Variants in MAGED1 observed in about 807,000 individuals in gnomAD.
The protein encoded by MAGED1 is melanoma-associated antigen D1.
In MAGED1, 3 loss-of-function variants were observed where a neutral mutation model predicts 54.1. That is an observed-to-expected ratio of 0.06 (90% CI 0.03 to 0.14). The LOEUF (loss-of-function observed/expected upper bound fraction) is 0.14. MAGED1 is among the 10% of genes least tolerant of loss of function. MAGED1 has a pLI of 1.00. For missense variants in MAGED1, 485 were observed against 623.4 expected (o/e 0.78, Z 2.36); for synonymous variants, 217 against 227.3 (o/e 0.95, Z 0.41).
At chrX:51,889,596 C>A (rs902358746), upstream of MAGED1, among the ~76,000 whole-genome samples, 1 of 96,767 alleles carries the variant, frequency 1.0e-5, no homozygotes, top group East Asian at 3.2e-4. Flanking sequence ...CCACTGCACT[C>A]CAGCCTGAGT....
chrX:51,885,675 C>T (rs782505523), intron 1 of MAGED1, among the ~76,000 whole-genome samples: 28 of 110,886 alleles, frequency 2.5e-4, no homozygotes, highest in Non-Finnish European at 4.3e-4. Flanking sequence ...AAACCAATCC[C>T]GGGGCACTTC....
At chrX:51,890,508 G>A (rs188088938), upstream of MAGED1, among the ~76,000 whole-genome samples, 885 of 111,723 alleles carry the variant, frequency 7.9e-3, 7 homozygotes, top group Non-Finnish European at 0.013. Context: ...GCTGCCAAGG[G>A]CATGTGAAGA....
chrX:51,838,565 A>G (rs1289663384), intron 1 of MAGED1, among the ~76,000 whole-genome samples: 14 of 112,604 alleles, frequency 1.2e-4, no homozygotes, highest in African/African-American at 4.5e-4. Flanking sequence ...AAATTTTTTC[A>G]TAAAATCCAG....
intron 1 of MAGED1, among the ~76,000 whole-genome samples, chrX:51,882,927 G>A (rs1163306511): frequency 1.8e-5 from 2 of 111,818 alleles, no homozygotes; most frequent in African/African-American, 6.5e-5. Context: ...GTGACCTCAG[G>A]TGATCCGCCT....
intron 1 of MAGED1, among the ~76,000 whole-genome samples, chrX:51,807,019 C>G (rs1272127054): frequency 2.7e-5 from 3 of 111,087 alleles, no homozygotes; most frequent in Non-Finnish European, 5.7e-5. Flanking sequence ...GAACTCCTGA[C>G]CTCGTGATTC....
chrX:51,896,269 A>T (rs1602272486), intron 3 of MAGED1, 140 bp from the exon 4 acceptor site: 1 of 543,799 alleles, frequency 1.8e-6, no homozygotes, highest in Admixed American at 4.0e-5. Flanking sequence ...ACAGTGAAAG[A>T]CAAACCCAGG....
intron 1 of MAGED1, among the ~76,000 whole-genome samples, chrX:51,824,313 G>T (rs1241397150): frequency 2.7e-5 from 3 of 110,333 alleles, no homozygotes; most frequent in African/African-American, 9.9e-5. Flanking sequence ...CTTGATTGCA[G>T]TTTTTTTTCT....
chrX:51,830,383 T>C (rs1926016134), intron 1 of MAGED1, among the ~76,000 whole-genome samples: 1 of 111,180 alleles, frequency 9.0e-6, no homozygotes, highest in Non-Finnish European at 1.9e-5. Flanking sequence ...ACTTCATCTT[T>C]ATCTAGAATG....
At chrX:51,890,841 A>G (rs1244967426), upstream of MAGED1, among the ~76,000 whole-genome samples, 6 of 110,648 alleles carry the variant, frequency 5.4e-5, no homozygotes, top group Non-Finnish European at 1.1e-4. Flanking sequence ...GCAAAAAAAA[A>G]AAAAAAAAGG....
At chrX:51,841,671 A>G (rs1179036945) in intron 1 of MAGED1, among the ~76,000 whole-genome samples, 1 of 111,582 alleles carries the variant, frequency 9.0e-6, no homozygotes, top group Non-Finnish European at 1.9e-5. Flanking sequence ...CAGTTTTCCC[A>G]GCACCATTTA....
At chrX:51,883,564 T>G (rs1211958253) in intron 1 of MAGED1, among the ~76,000 whole-genome samples, 1 of 112,248 alleles carries the variant, frequency 8.9e-6, no homozygotes, top group Non-Finnish European at 1.9e-5. Context: ...TATCCAGGAT[T>G]CAACTGAAAA....
intron 11 of MAGED1, 40 bp from the exon 12 acceptor site, chrX:51,901,513 T>C (rs1929024170): frequency 9.0e-7 from 1 of 1,117,258 alleles, no homozygotes; most frequent in South Asian, 2.3e-5. Context: ...TCTTGGCTAT[T>C]GTAAATGGAT....
chrX:51,815,353 G>C (rs1195091126), intron 1 of MAGED1, among the ~76,000 whole-genome samples: 2 of 110,835 alleles, frequency 1.8e-5, no homozygotes, highest in East Asian at 5.6e-4. Context: ...ACTTCCGGTG[G>C]GACAAGATGT....
intron 1 of MAGED1, among the ~76,000 whole-genome samples, chrX:51,885,715 T>C (rs1557362758): frequency 1.8e-5 from 2 of 110,904 alleles, no homozygotes; most frequent in African/African-American, 6.6e-5. Context: ...ACTTTAATAG[T>C]TATAGGTCTT....
At chrX:51,877,644 A>G (rs1927919855) in intron 1 of MAGED1, among the ~76,000 whole-genome samples, 1 of 111,642 alleles carries the variant, frequency 9.0e-6, no homozygotes, top group African/African-American at 3.3e-5. Flanking sequence ...TCAAGTAGGT[A>G]AGTTCATATG....
At chrX:51,896,362 G>A in intron 3 of MAGED1, 47 bp from the exon 4 acceptor site, 2 of 1,095,012 alleles carry the variant, frequency 1.8e-6, no homozygotes, top group Non-Finnish European at 2.5e-6. Flanking sequence ...GATAAGGTGA[G>A]GACACAGAAC....
At chrX:51,854,715 T>G (rs1927022029) in intron 1 of MAGED1, among the ~76,000 whole-genome samples, 2 of 111,791 alleles carry the variant, frequency 1.8e-5, no homozygotes, top group Admixed American at 1.9e-4. Flanking sequence ...GTTTGGTGCA[T>G]GCTTACTAAA....
At chrX:51,882,307 G>T (rs781813873) in intron 1 of MAGED1, among the ~76,000 whole-genome samples, 45 of 111,542 alleles carry the variant, frequency 4.0e-4, no homozygotes, top group Admixed American at 9.5e-5. Flanking sequence ...CTTATAGTGT[G>T]ATTGTACATT....
intron 1 of MAGED1, among the ~76,000 whole-genome samples, chrX:51,831,368 TG>T (rs1483766440): frequency 8.9e-6 from 1 of 111,880 alleles, no homozygotes; most frequent in Non-Finnish European, 1.9e-5. Flanking sequence ...TCCCAGCACT[TG>T]GGGAGGCCAA....
Sources: allele counts gnomAD v4.1 joint callset (sites outside exome capture counted in the v4.1 genomes callset), GRCh38; gene constraint gnomAD v4.1.1; transcripts MANE v1.5; gene names NCBI Gene and HGNC (gene_info 2026-07-23, HGNC 2026-07-21).